The following DRD2 variants were observed in gnomAD, a reference collection of about 807,000 sequenced individuals.
The protein encoded by DRD2 is D(2) dopamine receptor.
Under a neutral mutation model 38.0 loss-of-function variants are expected in DRD2, and 8 were observed. The observed-to-expected ratio is 0.21, with a 90% CI of 0.12 to 0.38. The LOEUF (loss-of-function observed/expected upper bound fraction) is 0.38. Ranked by LOEUF, DRD2 falls within the 10% of genes least tolerant of loss-of-function variation. The probability of loss-of-function intolerance (pLI) is 1.00; values close to 1 mark genes in which losing one functional copy is unlikely to be tolerated. For synonymous variants in DRD2, 230 were observed against 238.6 expected (o/e 0.96, Z 0.33); for missense variants, 403 against 607.7 (o/e 0.66, Z 3.54).
At chr11:113,439,768 G>T (rs1951069942) in intron 1 of DRD2, among the ~76,000 whole-genome samples, 1 of 138,740 alleles carries the variant, frequency 7.2e-6, no homozygotes, top group Admixed American at 7.8e-5. Flanking sequence ...GAACCCGGAA[G>T]GTAGAGGTTG....
At chr11:113,453,643 T>C (rs1951237282) in intron 1 of DRD2, among the ~76,000 whole-genome samples, 1 of 152,250 alleles carries the variant, frequency 6.6e-6, no homozygotes, top group African/African-American at 2.4e-5. Context: ...AGAGTCATTA[T>C]CTTCCAGGAG....
chr11:113,428,881 C>A (rs921052821), intron 1 of DRD2, among the ~76,000 whole-genome samples: 2 of 152,150 alleles, frequency 1.3e-5, no homozygotes, highest in African/African-American at 4.8e-5. Context: ...CCTGCCTTGG[C>A]CTCCCAAAGT....
chr11:113,458,044 A>G (rs1241955689), intron 1 of DRD2, among the ~76,000 whole-genome samples: 1 of 152,258 alleles, frequency 6.6e-6, no homozygotes, highest in African/African-American at 2.4e-5. Context: ...AGGAATTCAA[A>G]GGACAGAACA....
chr11:113,462,082 G>A (rs1309374297), intron 1 of DRD2, among the ~76,000 whole-genome samples: 1 of 152,148 alleles, frequency 6.6e-6, no homozygotes, highest in Non-Finnish European at 1.5e-5. Flanking sequence ...ACTCCCAGTT[G>A]TACTAATTGC....
At chr11:113,428,331 G>C (rs1447052902) in intron 1 of DRD2, among the ~76,000 whole-genome samples, 1 of 152,202 alleles carries the variant, frequency 6.6e-6, no homozygotes, top group Non-Finnish European at 1.5e-5. Flanking sequence ...TTGCCTAAAT[G>C]AGGGCAACAG....
At chr11:113,439,643 C>T (rs1402585904) in intron 1 of DRD2, among the ~76,000 whole-genome samples, 1 of 151,494 alleles carries the variant, frequency 6.6e-6, no homozygotes, top group Non-Finnish European at 1.5e-5. Context: ...AGTTCGAGAC[C>T]AGCCTGGCCA....
intron 1 of DRD2, among the ~76,000 whole-genome samples, chr11:113,442,170 C>T (rs1951101261): frequency 6.6e-6 from 1 of 152,168 alleles, no homozygotes. Context: ...GACCCCAAGG[C>T]TTTGGCAGAA....
At chr11:113,419,208 A>G (rs1483457071) in intron 2 of DRD2, among the ~76,000 whole-genome samples, 5 of 152,180 alleles carry the variant, frequency 3.3e-5, no homozygotes, top group African/African-American at 1.2e-4. Context: ...GGGCCCCAAA[A>G]TGATCTGTTA....
At chr11:113,452,368 G>A (rs1951217195) in intron 1 of DRD2, among the ~76,000 whole-genome samples, 1 of 152,066 alleles carries the variant, frequency 6.6e-6, no homozygotes, top group African/African-American at 2.4e-5. Flanking sequence ...GATGGGGAAA[G>A]CTTGTCTGAA....
At chr11:113,431,851 G>T (rs1353555986) in intron 1 of DRD2, among the ~76,000 whole-genome samples, 1 of 152,208 alleles carries the variant, frequency 6.6e-6, no homozygotes, top group African/African-American at 2.4e-5. Flanking sequence ...TAGCTCTCAA[G>T]TTGAGAAGTA....
intron 1 of DRD2, among the ~76,000 whole-genome samples, chr11:113,464,471 G>A (rs1013587911): frequency 6.6e-6 from 1 of 152,058 alleles, no homozygotes; most frequent in Non-Finnish European, 1.5e-5. Context: ...CTCCCTCACT[G>A]TCTTTGGCAC....
In DRD2 at chr11:113,415,477, C is replaced by A. The variant is rs764968856; in HGVS notation, c.667G>T (p.Val223Phe). 1 of 1,614,002 alleles carries A rather than the reference C, an allele frequency of 6.2e-7. No homozygotes were observed. Among genetic ancestry groups the A allele is most frequent in the Non-Finnish European group, 8.5e-7 (1 of 1,180,012 alleles). The change falls in exon 5 of 8, where the codon GTC (valine) becomes TTC (phenylalanine). Residue 223 changes from valine (V) to phenylalanine (F), a missense_variant. Around this residue, in one of 4 missense-constraint regions of DRD2, gnomAD observed 166 missense variants for 178.6 expected, o/e 0.93. Coordinates refer to ENST00000362072, the MANE Select transcript of DRD2 (RefSeq NM_000795.4). ...YIVLRRRRKR[V>F]NTKRSSRAFR... is the part of the protein sequence containing the mutation. ...GCTCGGCTGCTGCGTTTGGTGTTGA[C>A]TCGCTTGCGGCGTCTGCGGAGGACA...
chr11:113,424,558 G>C lies in DRD2; in HGVS notation c.94C>G (p.Pro32Ala). 1 of 1,614,242 alleles carries C rather than the reference G, an allele frequency of 6.2e-7. No homozygotes were observed. The highest frequency in any genetic ancestry group is 1.3e-5 in the African/African-American group (1 of 75,062). ...AGTGTGGCATAGTAGTTGTAGTGGG[G>C]TCTGTCCGCCTTCCCGTCTGACCCG... ...FNGSDGKADR[P>A]HYNYYATLLT... Residue 32 changes from proline to alanine, a missense_variant, in exon 2 of 8, where the codon CCC becomes GCC. By Grantham distance (27) the Pro-to-Ala change is conservative. Transcript: ENST00000362072.
At position 113,413,026 on chromosome 11, in the gene DRD2, C is replaced by T. The variant is rs901301979; in HGVS notation, c.811-143G>A. 56 of 964,966 alleles carry T rather than the reference C, an allele frequency of 5.8e-5. 1 individual carries two copies. The African/African-American group carries it at 8.3e-4, about 14-fold the overall frequency. 59.8% of individuals were successfully genotyped at this position (964,966 alleles called of 1,614,324 possible). A position where few individuals can be genotyped will look rare whatever the true frequency, so the allele number is the denominator to read the frequency against. On this transcript the variant is annotated intron_variant, in intron 6 of 7. Coordinates refer to ENST00000362072, the MANE Select transcript of DRD2 (RefSeq NM_000795.4). ...CCCTGCCAGGGAGGCAAGGATGTCA[C>T]TGAGGCATGGGACCCAGGACCCATG...
intron 1 of DRD2, among the ~76,000 whole-genome samples, chr11:113,470,683 C>T (rs1365639257): frequency 6.6e-6 from 1 of 152,234 alleles, no homozygotes; most frequent in African/African-American, 2.4e-5. Context: ...TATTTAACAT[C>T]AGCCTCTTTC....
chr11:113,416,546 C>T (rs191088028), intron 4 of DRD2, among the ~76,000 whole-genome samples: 254 of 152,356 alleles, frequency 1.7e-3, no homozygotes, highest in Non-Finnish European at 2.5e-3. Flanking sequence ...TACACACATG[C>T]AGTTTGTGAA....
chr11:113,432,517 T>G (rs1347621996), intron 1 of DRD2, among the ~76,000 whole-genome samples: 3 of 152,214 alleles, frequency 2.0e-5, no homozygotes, highest in Non-Finnish European at 4.4e-5. Flanking sequence ...TAATTAAAAT[T>G]TAACAATTCC....
chr11:113,418,001 A>T, intron 3 of DRD2, 26 bp downstream of exon 3: 1 of 1,599,316 alleles, frequency 6.3e-7, no homozygotes, highest in Non-Finnish European at 8.6e-7. Context: ...GGCCAGAGCA[A>T]CCTCTTCCAC....
chr11:113,450,097 G>A (rs1384404464), intron 1 of DRD2: 1 of 154,692 alleles, frequency 6.5e-6, no homozygotes, highest in African/African-American at 2.4e-5. Flanking sequence ...GTAAACTGGA[G>A]AGAATGGGAT....
Sources: allele counts gnomAD v4.1 joint callset (sites outside exome capture counted in the v4.1 genomes callset), GRCh38; gene constraint gnomAD v4.1.1; regional missense constraint gnomAD v4.1.1; transcripts MANE v1.5; gene names NCBI Gene and HGNC (gene_info 2026-07-23, HGNC 2026-07-21).